Variants in ME2 observed in about 807,000 individuals in gnomAD.
ME2 encodes NAD-dependent malic enzyme, mitochondrial.
In ME2, 60 loss-of-function variants were observed where a neutral mutation model predicts 73.7. The ratio of observed to expected loss-of-function variants is 0.81; its 90% CI spans 0.66 to 1.01. The LOEUF is 1.01. ME2 is among the 50% of genes least tolerant of loss of function. ME2 has a pLI of 0.00. For missense variants in ME2, 594 were observed against 705.5 expected (o/e 0.84, Z 1.79); for synonymous variants, 199 against 236.9 (o/e 0.84, Z 1.47).
intron 11 of ME2, among the ~76,000 whole-genome samples, chr18:50,925,232 A>C (rs1038623376): frequency 6.6e-6 from 1 of 152,014 alleles, no homozygotes; most frequent in African/African-American, 2.4e-5. Flanking sequence ...TAATTCCAGC[A>C]CTCTGGGAGG....
chr18:50,937,028 A>G (rs1917834619), intron 13 of ME2, among the ~76,000 whole-genome samples: 1 of 152,196 alleles, frequency 6.6e-6, no homozygotes, highest in African/African-American at 2.4e-5. Context: ...GTTTATGGTA[A>G]GGTAATGTTG....
At chr18:50,881,189 C>T (rs918210121) in intron 1 of ME2, among the ~76,000 whole-genome samples, 2 of 152,116 alleles carry the variant, frequency 1.3e-5, no homozygotes, top group South Asian at 2.1e-4. Flanking sequence ...CCACCATGCC[C>T]GGCTAATTTG....
Position 50,951,850 on chromosome 18 carries a change from G to A in ME2, c.*4666G>A, listed in dbSNP as rs1363406188. 3 of 119,084 alleles carry A rather than the reference G, an allele frequency of 2.5e-5. No individual in the cohort carries two copies. Among genetic ancestry groups the A allele is most frequent in the South Asian group, 5.5e-4 (2 of 3,614 alleles). 7.4% of individuals were successfully genotyped at this position (119,084 alleles called of 1,614,324 possible). ...CCGCTGCACTCCAGCCTGGGCGACAGAGTGAGCCTCCATCTCAAAAAAAAA... is the reference window on the plus strand; with the variant it reads ...CCGCTGCACTCCAGCCTGGGCGACAAAGTGAGCCTCCATCTCAAAAAAAAA... On this transcript the variant is annotated 3_prime_UTR_variant, in exon 16 of 16. Transcript: ENST00000321341.
intron 2 of ME2, among the ~76,000 whole-genome samples, chr18:50,903,424 A>G (rs1162616150): frequency 6.6e-6 from 1 of 152,092 alleles, no homozygotes; most frequent in East Asian, 1.9e-4. Flanking sequence ...AGTCAACTCC[A>G]TTTATCTTTG....
In ME2 at chr18:50,916,182, C is replaced by A; in HGVS notation, c.407C>A (p.Ser136Ter). 1 of 1,609,704 alleles carries A rather than the reference C, an allele frequency of 6.2e-7. No homozygotes were observed. Among genetic ancestry groups the A allele is most frequent in the South Asian group, 1.1e-5 (1 of 90,280 alleles). ...IFRRPKGLFI[S>*]ISDRGHVRSI... ...TTCTGTTGCAGGGGATTATTTATTT[C>A]GATCTCAGACAGAGGTCATGTTAGA... The change falls in exon 5 of 16, where the codon TCG (serine) becomes TAG (stop). Residue 136 changes from serine (S) to a stop codon, truncating the protein, a stop_gained. Transcript: ENST00000321341. LOFTEE classifies it high-confidence loss of function.
At position 50,895,892 on chromosome 18, in the gene ME2, A is replaced by G. The variant is rs1401493909; in HGVS notation, c.72A>G (p.Lys24=). The G allele has an allele frequency of 6.2e-7, 1 of 1,613,740 alleles. No individual in the cohort carries two copies. The highest frequency in any genetic ancestry group is 1.3e-5 in the African/African-American group (1 of 74,912). ...GTCGACATTTGCACATAAAAGAAAA[A>G]GGCAAGCCACTTATGCTGAACCCAA... ...LACRHLHIKE[K]GKPLMLNPRT... The change falls in exon 2 of 16, where the codon AAA becomes AAG. Residue 24 remains lysine, a synonymous_variant. Transcript: ENST00000321341.
chr18:50,932,751 G>C (rs558683877), intron 13 of ME2: 1 of 155,148 alleles, frequency 6.4e-6, no homozygotes, highest in South Asian at 2.0e-4. Context: ...TATTTCCCAG[G>C]TTCAAGCAGT....
chr18:50,916,202 G>A lies in ME2; in HGVS notation c.427G>A (p.Val143Ile). Reference protein sequence around the residue: ...LFISISDRGHVRSIVDNWPEN... With the variant: ...LFISISDRGHIRSIVDNWPEN... ...TATTTCGATCTCAGACAGAGGTCAT[G>A]TTAGATCAATTGTGGATAACTGGCC... The change falls in exon 5 of 16, where the codon GTT becomes ATT. Residue 143 changes from valine (V) to isoleucine (I), a missense_variant. Coordinates refer to ENST00000321341, the MANE Select transcript of ME2 (RefSeq NM_002396.5). The A allele has an allele frequency of 1.9e-6, 3 of 1,612,606 alleles. No homozygotes were observed. Among genetic ancestry groups the A allele is most frequent in the Non-Finnish European group, 2.5e-6 (3 of 1,179,248 alleles).
chr18:50,921,129 C>G lies in ME2; in HGVS notation c.998C>G (p.Ser333Ter). 1 of 1,603,184 alleles carries G rather than the reference C, an allele frequency of 6.2e-7. No homozygotes were observed. The highest frequency in any genetic ancestry group is 8.5e-7 in the Non-Finnish European group (1 of 1,175,276). ...ATGTCTATGGTAGAAAATGGCCTGT[C>G]AGAACAAGAGGCACAAAAGAAAATC... ...IVMSMVENGL[S>*]EQEAQKKIWM... The change falls in exon 10 of 16, where the codon TCA (serine) becomes TGA (stop). Residue 333 changes from serine to a stop codon, truncating the protein, a stop_gained. Transcript: ENST00000321341. LOFTEE classifies it high-confidence loss of function.
At chr18:50,899,182 T>G (rs959740476) in intron 2 of ME2, among the ~76,000 whole-genome samples, 1 of 152,232 alleles carries the variant, frequency 6.6e-6, no homozygotes, top group Admixed American at 6.5e-5. Context: ...TATGAGAATC[T>G]AATGCCTGAT....
chr18:50,887,560 C>A (rs945464230), intron 1 of ME2, among the ~76,000 whole-genome samples: 1 of 152,280 alleles, frequency 6.6e-6, no homozygotes, highest in East Asian at 1.9e-4. Flanking sequence ...GAGGTTGAGA[C>A]GAGAATTAAA....
chr18:50,940,517 C>G, intron 15 of ME2, 131 bp downstream of exon 15: 3 of 646,706 alleles, frequency 4.6e-6, no homozygotes, highest in Non-Finnish European at 8.0e-6. Flanking sequence ...CATATTCTTA[C>G]TACCAGAATA....
At chr18:50,902,666 G>T (rs2144208649) in intron 2 of ME2, among the ~76,000 whole-genome samples, 1 of 152,276 alleles carries the variant, frequency 6.6e-6, no homozygotes, top group Non-Finnish European at 1.5e-5. Context: ...CAAAGTGCTG[G>T]GATTACAGGC....
At chr18:50,901,320 A>G (rs1916884387) in intron 2 of ME2, among the ~76,000 whole-genome samples, 2 of 152,212 alleles carry the variant, frequency 1.3e-5, no homozygotes, top group African/African-American at 4.8e-5. Context: ...GTAAATCAGT[A>G]TTAAAGAGTC....
At chr18:50,906,099 C>T (rs1351303508) in intron 2 of ME2, among the ~76,000 whole-genome samples, 1 of 152,008 alleles carries the variant, frequency 6.6e-6, no homozygotes, top group Admixed American at 6.6e-5. Flanking sequence ...GTTCTTTAGA[C>T]ATGGTGTCTT....
In ME2 at chr18:50,947,316, TC is replaced by T; in HGVS notation, c.*134del. The T allele has an allele frequency of 1.3e-6, 1 of 796,240 alleles. No homozygotes were observed. The highest frequency in any genetic ancestry group is 2.0e-6 in the Non-Finnish European group (1 of 502,032). 49.3% of individuals were successfully genotyped at this position (796,240 alleles called of 1,614,324 possible). ...TGACCACTTTGGTTGATGTATTTTTTCCATGCGTCTCCACATCTGTTGGGGT... is the reference window on the plus strand; with the variant it reads ...TGACCACTTTGGTTGATGTATTTTTTCATGCGTCTCCACATCTGTTGGGGT... On this transcript the variant is annotated 3_prime_UTR_variant, in exon 16 of 16. Coordinates refer to ENST00000321341, the MANE Select transcript of ME2 (RefSeq NM_002396.5).
chr18:50,939,588 T>C lies in ME2; in HGVS notation c.1436T>C (p.Ile479Thr). ...GTTCTAGGTGTGGCTTTAGCTGTTA[T>C]TCTCTGTAACACCCGGCATATTAGT... Reference protein sequence around the residue: ...YIFPGVALAVILCNTRHISDS... With the variant: ...YIFPGVALAVTLCNTRHISDS... Residue 479 changes from isoleucine to threonine, a missense_variant, in exon 14 of 16, where the codon ATT becomes ACT. Coordinates refer to ENST00000321341, the MANE Select transcript of ME2 (RefSeq NM_002396.5). The C allele has an allele frequency of 6.2e-7, 1 of 1,612,164 alleles. No individual in the cohort carries two copies. Among genetic ancestry groups the C allele is most frequent in the Admixed American group, 1.7e-5 (1 of 60,000 alleles).
chr18:50,896,466 T>G (rs555937002), intron 2 of ME2, among the ~76,000 whole-genome samples: 41 of 152,238 alleles, frequency 2.7e-4, no homozygotes, highest in Non-Finnish European at 5.3e-4. Context: ...ATTGTACTCT[T>G]GTGACAAAAG....
intron 1 of ME2, among the ~76,000 whole-genome samples, chr18:50,892,339 C>T (rs1216844071): frequency 6.6e-6 from 1 of 152,160 alleles, no homozygotes; most frequent in African/African-American, 2.4e-5. Context: ...TGTGCCACTG[C>T]ACTCTAGCCT....
Sources: gnomAD v4.1 joint callset for allele counts (sites outside exome capture counted in the v4.1 genomes callset) on GRCh38, gnomAD v4.1.1 for gene constraint, MANE v1.5 for transcripts, NCBI Gene and HGNC (gene_info 2026-07-23, HGNC 2026-07-21) for gene names.